MON2: variants seen among roughly 807,000 people sequenced by gnomAD.
MON2 encodes protein MON2 homolog.
MON2 carries 84 observed loss-of-function variants against 208.6 expected under a neutral mutation model. The observed-to-expected ratio is 0.40, with a 90% CI of 0.34 to 0.48. The LOEUF is 0.48. MON2 is among the 20% of genes least tolerant of loss of function. MON2 has a pLI of 0.59. For missense variants in MON2, 1,611 were observed against 2,015.4 expected (o/e 0.80, Z 3.84); for synonymous variants, 660 against 694.0 (o/e 0.95, Z 0.77).
At chr12:62,566,110 T>C (rs2074376408) in intron 28 of MON2, 79 bp downstream of exon 28, 1 of 1,454,576 alleles carries the variant, frequency 6.9e-7, no homozygotes, top group African/African-American at 1.4e-5. Flanking sequence ...GGTAGAATGC[T>C]GTATGTGCTT....
At chr12:62,555,886 C>A in intron 24 of MON2, 108 bp from the exon 25 acceptor site, 2 of 784,818 alleles carry the variant, frequency 2.5e-6, no homozygotes, top group Non-Finnish European at 4.1e-6. Flanking sequence ...ATAAGACTGT[C>A]AAGTATATTT....
In MON2 at chr12:62,546,894, C is replaced by T. The variant is rs1336383278; in HGVS notation, c.2578-3C>T. ...CCTAATTAGTTTCTTGCCCCCTTTT[C>T]AGAGGCTGCAGTTGCTTTTATTGAA... On this transcript the variant is annotated splice_region_variant and splice_polypyrimidine_tract_variant and intron_variant, in intron 21 of 34. Transcript: ENST00000393630. 9.4e-6 allele frequency: 15 copies of T among 1,589,514 alleles called. No individual in the cohort carries two copies. The highest frequency in any genetic ancestry group is 1.1e-5 in the Non-Finnish European group (13 of 1,167,310).
At chr12:62,566,100 G>C in intron 28 of MON2, 69 bp downstream of exon 28, 1 of 1,497,632 alleles carries the variant, frequency 6.7e-7, no homozygotes, top group Non-Finnish European at 9.2e-7. Context: ...CCCGGTTCTT[G>C]GTAGAATGCT....
At chr12:62,501,436 T>C (rs1279742847) in intron 6 of MON2, 137 bp from the exon 7 acceptor site, 1 of 892,642 alleles carries the variant, frequency 1.1e-6, no homozygotes, top group East Asian at 2.6e-5. Context: ...AAAATTGGAA[T>C]TACCAGTGCT....
intron 32 of MON2, among the ~76,000 whole-genome samples, chr12:62,584,009 G>T (rs79598735): frequency 6.7e-6 from 1 of 150,222 alleles, no homozygotes. Context: ...ATTCTCAGAC[G>T]CAGTATTGGA....
chr12:62,484,143 G>T, intron 1 of MON2, 27 bp from the exon 2 acceptor site: 2 of 1,511,942 alleles, frequency 1.3e-6, no homozygotes, highest in East Asian at 4.5e-5. Context: ...AGTAAATTTT[G>T]TGTTCTAATT....
rs760092386 is a variant in MON2 at position 62,525,075 on chromosome 12, A to G, written c.1110-9A>G. 2.9e-5 allele frequency: 47 copies of G among 1,601,450 alleles called. No homozygotes were observed. The highest frequency in any genetic ancestry group is 4.0e-5 in the Non-Finnish European group (47 of 1,172,350). ...GTTTTTCCCAAAAACCTTTTAAATT[A>G]TTTTACAGGTCATTTTGTCAGTCCT... On this transcript the variant is annotated splice_polypyrimidine_tract_variant and intron_variant, in intron 9 of 34. Coordinates refer to ENST00000393630, the MANE Select transcript of MON2 (RefSeq NM_015026.3).
At chr12:62,555,167 C>CATTTA (rs1157443002) in intron 24 of MON2, among the ~76,000 whole-genome samples, 2 of 151,634 alleles carry the variant, frequency 1.3e-5, no homozygotes, top group Admixed American at 1.3e-4. Context: ...ATATTTTATC[C>CATTTA]ATTTAATTTA....
chr12:62,561,954 A>T (rs1263332010), intron 26 of MON2, among the ~76,000 whole-genome samples: 3 of 152,136 alleles, frequency 2.0e-5, no homozygotes, highest in African/African-American at 4.8e-5. Context: ...ATACCTCTTA[A>T]TTACCTCTGG....
At chr12:62,543,512 ATAGT>A (rs1164519464) in intron 20 of MON2, among the ~76,000 whole-genome samples, 1 of 152,144 alleles carries the variant, frequency 6.6e-6, no homozygotes, top group Admixed American at 6.5e-5. Context: ...TCAGTTTCAG[ATAGT>A]TCTGAAACTT....
intron 11 of MON2, among the ~76,000 whole-genome samples, chr12:62,531,731 C>T (rs2072655361): frequency 6.6e-6 from 1 of 152,046 alleles, no homozygotes; most frequent in African/African-American, 2.4e-5. Context: ...TCTTCCTCTT[C>T]ATAGGAGTGA....
Position 62,489,022 on chromosome 12 carries a change from T to A in MON2, c.175+4789T>A, listed in dbSNP as rs963315428. On this transcript the variant is annotated intron_variant, in intron 2 of 34. Coordinates refer to ENST00000393630, the MANE Select transcript of MON2 (RefSeq NM_015026.3). ...AATAAAGAAAAAGAAATAAAAAAAATTTAATAAAATTGCTGTATGATATTT... is the reference window on the plus strand; with the variant it reads ...AATAAAGAAAAAGAAATAAAAAAAAATTAATAAAATTGCTGTATGATATTT... 3.0e-4 allele frequency among the ~76,000 whole-genome samples: 45 copies of A among 152,128 alleles called. 1 individual carries two copies. Among genetic ancestry groups the A allele is most frequent in the Admixed American group, 2.4e-3 (37 of 15,280 alleles).
At chr12:62,541,331 C>T (rs960891391) in intron 19 of MON2, among the ~76,000 whole-genome samples, 6 of 148,672 alleles carry the variant, frequency 4.0e-5, no homozygotes, top group South Asian at 2.1e-4. Context: ...GCCAAGATTG[C>T]GCCATTGCAC....
rs752827768 is a variant in MON2 at position 62,532,630 on chromosome 12, G to A, written c.1593G>A (p.Gln531=). ...CACCAACACAGTCGACAGAACAGCA[G>A]GATTTACAGTCAACATCAGACCAAA... ...GSSPTQSTEQ[Q]DLQSTSDQMD... Residue 531 remains glutamine (Q), a synonymous_variant, in exon 12 of 35, where the codon CAG becomes CAA. Transcript: ENST00000393630. 35 of 1,613,894 alleles carry A rather than the reference G, an allele frequency of 2.2e-5. 1 individual carries two copies. The Admixed American group carries it at 4.7e-4, about 22-fold the overall frequency.
intron 13 of MON2, 44 bp downstream of exon 13, chr12:62,534,970 AAAAAACACATT>A: frequency 7.4e-7 from 1 of 1,357,764 alleles, no homozygotes; most frequent in Non-Finnish European, 1.0e-6. Context: ...TGTCAGTTAA[AAAAAACACATT>A]AAAATGGTTT....
intron 11 of MON2, among the ~76,000 whole-genome samples, chr12:62,529,751 C>A (rs1388475353): frequency 1.3e-5 from 2 of 152,156 alleles, no homozygotes; most frequent in African/African-American, 4.8e-5. Context: ...AACCACTAAT[C>A]TGCTTTCTGC....
Position 62,522,274 on chromosome 12 carries a change from G to A in MON2, c.985-2241G>A, listed in dbSNP as rs148971209. On this transcript the variant is annotated intron_variant, in intron 8 of 34. Coordinates refer to ENST00000393630, the MANE Select transcript of MON2 (RefSeq NM_015026.3). ...GGAATCAATGAGGCTAAATTGCCTT[G>A]TCCAAACTAATTTTCTACTTCTTCA... Among the ~76,000 whole-genome samples, 321 of 152,200 alleles carry A rather than the reference G, an allele frequency of 2.1e-3. 1 individual carries two copies. In the South Asian group the frequency reaches 0.022, roughly 11 times the overall value.
At chr12:62,490,566 C>G (rs1451657734) in intron 2 of MON2, among the ~76,000 whole-genome samples, 2 of 151,970 alleles carry the variant, frequency 1.3e-5, no homozygotes, top group Non-Finnish European at 2.9e-5. Context: ...ACTATTACCA[C>G]TTTTTAAAGA....
intron 1 of MON2, among the ~76,000 whole-genome samples, chr12:62,477,231 A>G (rs1203374130): frequency 6.6e-6 from 1 of 152,172 alleles, no homozygotes; most frequent in Admixed American, 6.5e-5. Context: ...TTTGTGAAAA[A>G]AAAGTAACCT....
Sources: gnomAD v4.1 joint callset for allele counts (sites outside exome capture counted in the v4.1 genomes callset) on GRCh38, gnomAD v4.1.1 for gene constraint, MANE v1.5 for transcripts, NCBI Gene and HGNC (gene_info 2026-07-23, HGNC 2026-07-21) for gene names.